ZEB2: variants seen among roughly 807,000 people sequenced by gnomAD.
ZEB2 encodes the protein zinc finger E-box binding homeobox 2.
A neutral mutation model predicts 99.9 loss-of-function variants in ZEB2; 6 were observed. That is an observed-to-expected ratio of 0.06 (90% confidence interval 0.03 to 0.12). The LOEUF (loss-of-function observed/expected upper bound fraction) is 0.12, where lower values mean the gene tolerates loss of function less well. ZEB2 is among the 10% of genes least tolerant of loss of function. The pLI, the probability that ZEB2 is intolerant of heterozygous loss-of-function variation, is 1.00. For missense variants in ZEB2, 969 were observed against 1,502.8 expected (o/e 0.64, Z 5.87); for synonymous variants, 517 against 542.5 (o/e 0.95, Z 0.65).
At chr2:144,452,944 C>T (rs1292244211) in intron 2 of ZEB2, among the ~76,000 whole-genome samples, 1 of 152,070 alleles carries the variant, frequency 6.6e-6, no homozygotes, top group Non-Finnish European at 1.5e-5. Context: ...TGTAATAAGA[C>T]ATATTCCTTT....
At chr2:144,423,763 G>A (rs1703652059) in intron 4 of ZEB2, among the ~76,000 whole-genome samples, 1 of 152,084 alleles carries the variant, frequency 6.6e-6, no homozygotes, top group Non-Finnish European at 1.5e-5. Flanking sequence ...ATGCTTTTAA[G>A]TTATTAATAA....
At chr2:144,465,122 C>T (rs1704254160) in intron 2 of ZEB2, among the ~76,000 whole-genome samples, 1 of 152,122 alleles carries the variant, frequency 6.6e-6, no homozygotes, top group South Asian at 2.1e-4. Context: ...GTTTGTAGAC[C>T]CCAACAGTTC....
In ZEB2 at chr2:144,404,149, G is replaced by A; in HGVS notation, c.593-19C>T. The stretch of plus-strand genomic sequence containing the variant: ...GGCAGGTCTGTAGCCGAGAGACAGA[G>A]AGAGAGAGAAGCGGGCCAAAAGGTC... On this transcript the variant is annotated intron_variant, in intron 5 of 9. Coordinates refer to ENST00000627532, the MANE Select transcript of ZEB2 (RefSeq NM_014795.4). 2 of 1,612,706 alleles carry A rather than the reference G, an allele frequency of 1.2e-6. No homozygotes were observed. Among genetic ancestry groups the A allele is most frequent in the South Asian group, 2.2e-5 (2 of 90,998 alleles).
intron 2 of ZEB2, among the ~76,000 whole-genome samples, chr2:144,439,415 C>G (rs1261649904): frequency 6.6e-6 from 1 of 152,174 alleles, no homozygotes; most frequent in African/African-American, 2.4e-5. Context: ...CGACACGCGT[C>G]AAGTAAAAGA....
In ZEB2 at chr2:144,512,189, C is replaced by G. The variant is rs1256158870; in HGVS notation, c.73+5089G>C. On this transcript the variant is annotated intron_variant, in intron 2 of 9. Transcript: ENST00000627532. ...TGTGAGCATTGCAAACCTGCACTCC[C>G]TCTCTCTGTGACAGGCACAAAATAG... The G allele has an allele frequency of 2.3e-6, 3 of 1,287,220 alleles. No homozygotes were observed. The South Asian group carries it at 3.7e-5, about 16-fold the overall frequency. 79.7% of individuals were successfully genotyped at this position (1,287,220 alleles called of 1,614,324 possible).
intron 4 of ZEB2, 91 bp downstream of exon 4, chr2:144,424,705 A>G: frequency 6.9e-7 from 1 of 1,444,802 alleles, no homozygotes; most frequent in South Asian, 1.1e-5. Context: ...TCATGGAGAT[A>G]CAAATGGATG....
intron 4 of ZEB2, among the ~76,000 whole-genome samples, chr2:144,422,739 G>C (rs1323191091): frequency 6.6e-6 from 1 of 152,194 alleles, no homozygotes; most frequent in Non-Finnish European, 1.5e-5. Context: ...GGGAGAGGTT[G>C]CAGTGAGCCG....
Position 144,398,622 on chromosome 2 carries a change from G to A in ZEB2, c.2565C>T (p.Asn855=). The A allele has an allele frequency of 1.2e-6, 2 of 1,614,120 alleles. No homozygotes were observed. The highest frequency in any genetic ancestry group is 1.7e-6 in the Non-Finnish European group (2 of 1,179,964). ...AAGTCAAGTTCAGAGGCTCATCTGAGTTTTCAGATGAGGAAGAAACACTGT... is the reference window on the plus strand; with the variant it reads ...AAGTCAAGTTCAGAGGCTCATCTGAATTTTCAGATGAGGAAGAAACACTGT... The part of the protein sequence containing the change: ...DHNSVSSSSE[N]SDEPLNLTFI... Residue 855 remains asparagine, a synonymous_variant, in exon 8 of 10, where the codon AAC becomes AAT. Transcript: ENST00000627532.
At chr2:144,467,397 AGCAAT>A (rs1274877187) in intron 2 of ZEB2, among the ~76,000 whole-genome samples, 10 of 152,302 alleles carry the variant, frequency 6.6e-5, no homozygotes, top group African/African-American at 2.4e-4. Context: ...CTTCACTTAT[AGCAAT>A]GATTCTTCAC....
chr2:144,483,928 T>C (rs761522221), intron 2 of ZEB2, among the ~76,000 whole-genome samples: 3 of 152,226 alleles, frequency 2.0e-5, no homozygotes, highest in Non-Finnish European at 4.4e-5. Flanking sequence ...GCCGTGAATA[T>C]AGAAACCACT....
At chr2:144,422,407 CTCCAT>C (rs1415720060) in intron 4 of ZEB2, among the ~76,000 whole-genome samples, 1 of 152,214 alleles carries the variant, frequency 6.6e-6, no homozygotes, top group East Asian at 1.9e-4. Context: ...TTCCTCACTC[CTCCAT>C]GACTATTGAA....
At chr2:144,512,161 G>A in intron 2 of ZEB2, 1 of 1,287,210 alleles carries the variant, frequency 7.8e-7, no homozygotes, top group Non-Finnish European at 1.0e-6. Flanking sequence ...ACAATCAATT[G>A]TCTGTGAGCA....
rs1456565712 is a variant in ZEB2 at position 144,401,296 on chromosome 2, T to C, written c.819A>G (p.Leu273=). 6.2e-7 allele frequency: 1 copy of C among 1,614,142 alleles called. No homozygotes were observed. The highest frequency in any genetic ancestry group is 2.2e-5 in the East Asian group (1 of 44,872). ...ACTTGCGATTACCTGCTCCTTGGGT[T>C]AGCATTTGGTGCTATAAAAGGAGAA... ...HKPGTDQHQM[L]TQGAGNRKFK... The change falls in exon 7 of 10, where the codon CTA becomes CTG. Residue 273 remains leucine (L), a synonymous_variant. Coordinates refer to ENST00000627532, the MANE Select transcript of ZEB2 (RefSeq NM_014795.4).
Position 144,387,814 on chromosome 2 carries a change from G to A in ZEB2, c.*1637C>T, listed in dbSNP as rs886054892. The A allele has an allele frequency of 6.6e-6, 1 of 152,070 alleles. No homozygotes were observed. The highest frequency in any genetic ancestry group is 1.9e-4 in the East Asian group (1 of 5,196). 9.4% of individuals were successfully genotyped at this position (152,070 alleles called of 1,614,324 possible). A position where few individuals can be genotyped will look rare whatever the true frequency, so the allele number is the denominator to read the frequency against. ...ATAAAAATACACAATCTGGAATCAG[G>A]ATCAGTTGAGAAAAGCTGTAAAATT... On this transcript the variant is annotated 3_prime_UTR_variant, in exon 10 of 10. Coordinates refer to ENST00000627532, the MANE Select transcript of ZEB2 (RefSeq NM_014795.4).
chr2:144,419,306 T>C lies in ZEB2; in HGVS notation c.403+5490A>G, dbSNP rs375095727. Among the ~76,000 whole-genome samples the C allele has an allele frequency of 4.9e-4, 74 of 152,340 alleles. 2 individuals carry two copies. In the South Asian group the frequency reaches 0.013, roughly 28 times the overall value. Reference sequence around the variant, plus strand: ...AGTTAGTTCTTAGACAAGAAATTTATTGTGTTGTGTAAGATTAAGAACTGA... The same window carrying C: ...AGTTAGTTCTTAGACAAGAAATTTACTGTGTTGTGTAAGATTAAGAACTGA... On this transcript the variant is annotated intron_variant, in intron 4 of 9. Transcript: ENST00000627532.
At chr2:144,514,865 T>G (rs899125740) in intron 2 of ZEB2, among the ~76,000 whole-genome samples, 14 of 152,260 alleles carry the variant, frequency 9.2e-5, no homozygotes, top group African/African-American at 3.4e-4. Flanking sequence ...CTTCTGAATG[T>G]GGAGGCTTCT....
At chr2:144,401,402 G>T in intron 6 of ZEB2, 95 bp from the exon 7 acceptor site, 1 of 1,226,958 alleles carries the variant, frequency 8.2e-7, no homozygotes, top group Non-Finnish European at 1.2e-6. Context: ...TTTCAGACAG[G>T]CCAAAAGGTT....
intron 2 of ZEB2, among the ~76,000 whole-genome samples, chr2:144,484,531 C>T (rs1704566709): frequency 6.6e-6 from 1 of 152,172 alleles, no homozygotes; most frequent in Non-Finnish European, 1.5e-5. Flanking sequence ...GACACATGGC[C>T]TAATCAGGAA....
At chr2:144,513,717 T>C (rs1426831732) in intron 2 of ZEB2, 1 of 1,535,896 alleles carries the variant, frequency 6.5e-7, no homozygotes, top group Admixed American at 2.0e-5. Flanking sequence ...CAACAAACTT[T>C]GCAAGTTACA....
Sources: allele counts gnomAD v4.1 joint callset (sites outside exome capture counted in the v4.1 genomes callset), GRCh38; gene constraint gnomAD v4.1.1; transcripts MANE v1.5; gene names NCBI Gene and HGNC (gene_info 2026-07-23, HGNC 2026-07-21).